Variants in ELMO1 observed in about 807,000 individuals in gnomAD.
The protein encoded by ELMO1 is engulfment and cell motility protein 1.
ELMO1 carries 26 observed loss-of-function variants against 98.9 expected under a neutral mutation model. The ratio of observed to expected loss-of-function variants is 0.26; its 90% CI spans 0.19 to 0.36. The LOEUF is 0.36. ELMO1 is among the 10% of genes least tolerant of loss of function. The pLI, the probability that ELMO1 is intolerant of heterozygous loss-of-function variation, is 1.00. For synonymous variants in ELMO1, 346 were observed against 346.0 expected (o/e 1.00, Z 0.00); for missense variants, 627 against 935.2 (o/e 0.67, Z 4.30).
chr7:37,255,171 T>A (rs922442886), intron 6 of ELMO1, among the ~76,000 whole-genome samples: 3 of 152,182 alleles, frequency 2.0e-5, no homozygotes, highest in African/African-American at 7.2e-5. Context: ...TGGGACAGTA[T>A]TTGGAGATAA....
chr7:37,360,338 T>C (rs1801653967), intron 1 of ELMO1, among the ~76,000 whole-genome samples: 1 of 151,126 alleles, frequency 6.6e-6, no homozygotes, highest in Non-Finnish European at 1.5e-5. Context: ...AGAACCTAAA[T>C]AGCAAATCAA....
At chr7:37,091,691 T>C (rs936142586) in intron 15 of ELMO1, among the ~76,000 whole-genome samples, 4 of 152,148 alleles carry the variant, frequency 2.6e-5, no homozygotes, top group African/African-American at 9.7e-5. Context: ...TTCACGCTGC[T>C]GCTAAAGACA....
At chr7:37,316,819 G>C (rs1024745192) in intron 2 of ELMO1, among the ~76,000 whole-genome samples, 26 of 152,098 alleles carry the variant, frequency 1.7e-4, no homozygotes, top group Admixed American at 4.6e-4. Context: ...TGGATTTTCA[G>C]ATACAAAACC....
At chr7:37,002,316 G>C (rs956528329) in intron 16 of ELMO1, 2 of 152,238 alleles carry the variant, frequency 1.3e-5, no homozygotes, top group Non-Finnish European at 2.9e-5. Flanking sequence ...CAAGACAAAA[G>C]TCAAAGGGTG....
At chr7:37,155,259 G>A (rs921113754) in intron 13 of ELMO1, among the ~76,000 whole-genome samples, 7 of 152,158 alleles carry the variant, frequency 4.6e-5, no homozygotes, top group African/African-American at 1.4e-4. Context: ...ATTAATGGGC[G>A]AAATAACCAG....
At chr7:37,015,564 G>A (rs192350232) in intron 15 of ELMO1, among the ~76,000 whole-genome samples, 7 of 152,182 alleles carry the variant, frequency 4.6e-5, no homozygotes, top group Non-Finnish European at 8.8e-5. Flanking sequence ...TCACACCACC[G>A]CACTCCAGCC....
intron 13 of ELMO1, among the ~76,000 whole-genome samples, chr7:37,164,266 A>C (rs554690709): frequency 1.3e-5 from 2 of 151,910 alleles, no homozygotes; most frequent in Admixed American, 6.5e-5. Context: ...GGTTGTGAAA[A>C]TTTTCTCCCA....
chr7:36,960,499 T>C lies in ELMO1; in HGVS notation c.1437+52800A>G, dbSNP rs966324806. On this transcript the variant is annotated intron_variant, in intron 16 of 21. Transcript: ENST00000310758. The stretch of plus-strand genomic sequence containing the variant: ...CCTGTTCTCTGTTTCTGAAATGCTC[T>C]TCCCCCAGCTGTAGTTCTGTAGCTC... Among the ~76,000 whole-genome samples the C allele has an allele frequency of 1.3e-5, 2 of 152,198 alleles. 1 individual carries two copies. Among genetic ancestry groups the C allele is most frequent in the Admixed American group, 1.3e-4 (2 of 15,288 alleles).
At chr7:36,963,269 T>G (rs1254499046) in intron 16 of ELMO1, among the ~76,000 whole-genome samples, 1 of 152,036 alleles carries the variant, frequency 6.6e-6, no homozygotes, top group African/African-American at 2.4e-5. Flanking sequence ...TCCTAGCTAT[T>G]CAGGAGACTG....
At position 37,206,248 on chromosome 7, in the gene ELMO1, C is replaced by T. The variant is rs148144623; in HGVS notation, c.1086+5138G>A. On this transcript the variant is annotated intron_variant, in intron 13 of 21. Coordinates refer to ENST00000310758, the MANE Select transcript of ELMO1 (RefSeq NM_014800.11). Reference sequence around the variant, plus strand: ...CTACTAATTTAATCTACACAACACACATATTGATAGAGAAAATTATTATCC... The same window carrying T: ...CTACTAATTTAATCTACACAACACATATATTGATAGAGAAAATTATTATCC... 3.3e-5 allele frequency among the ~76,000 whole-genome samples: 5 copies of T among 152,312 alleles called. No individual in the cohort carries two copies. In the East Asian group the frequency reaches 9.6e-4, roughly 29 times the overall value.
intron 15 of ELMO1, among the ~76,000 whole-genome samples, chr7:37,080,541 G>A (rs575273421): frequency 3.4e-5 from 5 of 147,106 alleles, no homozygotes; most frequent in South Asian, 4.3e-4. Flanking sequence ...GAATTCAAGC[G>A]ATTCTCCCAC....
At chr7:36,906,573 G>A (rs1454934275) in intron 16 of ELMO1, among the ~76,000 whole-genome samples, 1 of 152,226 alleles carries the variant, frequency 6.6e-6, no homozygotes, top group Non-Finnish European at 1.5e-5. Context: ...ATCACTGGGT[G>A]AGGAGGTGCT....
At chr7:37,163,336 TC>T (rs1244037912) in intron 13 of ELMO1, among the ~76,000 whole-genome samples, 1 of 6,298 alleles carries the variant, frequency 1.6e-4, no homozygotes, top group East Asian at 0.12. Flanking sequence ...AAGCCAGTGT[TC>T]TTTTTTTTTT....
chr7:36,934,276 G>A (rs900776658), intron 16 of ELMO1, among the ~76,000 whole-genome samples: 5 of 152,218 alleles, frequency 3.3e-5, no homozygotes, highest in South Asian at 2.1e-4. Context: ...CTGCTGCAAC[G>A]CTTTCTTAAA....
chr7:37,164,498 T>C (rs139654782), intron 13 of ELMO1, among the ~76,000 whole-genome samples: 1 of 152,202 alleles, frequency 6.6e-6, no homozygotes, highest in African/African-American at 2.4e-5. Context: ...TTAATCCATC[T>C]TGAATTGATT....
intron 17 of ELMO1, among the ~76,000 whole-genome samples, chr7:36,889,034 G>T (rs1033945819): frequency 2.0e-5 from 3 of 152,178 alleles, no homozygotes; most frequent in Non-Finnish European, 4.4e-5. Flanking sequence ...TGGAGGTTAC[G>T]TGTGGAATAT....
intron 15 of ELMO1, among the ~76,000 whole-genome samples, chr7:37,064,272 G>A (rs1051522052): frequency 2.0e-5 from 3 of 152,150 alleles, no homozygotes; most frequent in Admixed American, 6.5e-5. Flanking sequence ...CTCCCCTCAT[G>A]CTAGGAGGGT....
chr7:37,414,302 ATCTT>A (rs1210233462), intron 1 of ELMO1, among the ~76,000 whole-genome samples: 1 of 152,218 alleles, frequency 6.6e-6, no homozygotes, highest in Non-Finnish European at 1.5e-5. Flanking sequence ...CTGCTGGAAA[ATCTT>A]TCTATGTTTA....
intron 1 of ELMO1, among the ~76,000 whole-genome samples, chr7:37,371,646 C>T (rs1385855347): frequency 3.9e-5 from 6 of 152,256 alleles, no homozygotes; most frequent in African/African-American, 1.2e-4. Flanking sequence ...TGCTAACGAA[C>T]GTTTCTTTTC....
Sources: gnomAD v4.1 joint callset for allele counts (sites outside exome capture counted in the v4.1 genomes callset) on GRCh38, gnomAD v4.1.1 for gene constraint, MANE v1.5 for transcripts, NCBI Gene and HGNC (gene_info 2026-07-23, HGNC 2026-07-21) for gene names.